WDFY3: variants seen among roughly 807,000 people sequenced by gnomAD.
WDFY3 encodes the protein WD repeat and FYVE domain-containing protein 3.
In WDFY3, 66 loss-of-function variants were observed where a neutral mutation model predicts 409.6. The ratio of observed to expected loss-of-function variants is 0.16; its 90% confidence interval spans 0.13 to 0.20. WDFY3 has a LOEUF of 0.20. Among genes scored for constraint, WDFY3 ranks in the 10% least tolerant of loss-of-function variants. The pLI, the probability that WDFY3 is intolerant of heterozygous loss-of-function variation, is 1.00. For missense variants in WDFY3, 3,031 were observed against 4,298.1 expected (o/e 0.71, Z 8.24); for synonymous variants, 1,521 against 1,537.1 (o/e 0.99, Z 0.25).
chr4:84,727,178 A>G (rs1399251517), intron 44 of WDFY3, among the ~76,000 whole-genome samples: 2 of 152,144 alleles, frequency 1.3e-5, no homozygotes, highest in African/African-American at 4.8e-5. Flanking sequence ...CACACAGGCA[A>G]AACTTCAGCA....
At chr4:84,825,231 AAAC>A (rs1276270885) in intron 10 of WDFY3, among the ~76,000 whole-genome samples, 14 of 152,188 alleles carry the variant, frequency 9.2e-5, no homozygotes, top group African/African-American at 3.4e-4. Context: ...AAACCAAATG[AAAC>A]AACAATAAAG....
At chr4:84,725,257 T>C (rs1468757996) in intron 45 of WDFY3, among the ~76,000 whole-genome samples, 2 of 152,204 alleles carry the variant, frequency 1.3e-5, no homozygotes, top group Admixed American at 6.5e-5. Context: ...TCATTGTCTG[T>C]TGTGTAAAGG....
At chr4:84,938,355 A>G (rs111873711) in intron 1 of WDFY3, among the ~76,000 whole-genome samples, 20 of 152,084 alleles carry the variant, frequency 1.3e-4, no homozygotes, top group South Asian at 8.3e-4. Flanking sequence ...GATAATTGAT[A>G]ATGATGATAA....
At chr4:84,853,574 G>A (rs1398264723) in intron 4 of WDFY3, among the ~76,000 whole-genome samples, 1 of 152,126 alleles carries the variant, frequency 6.6e-6, no homozygotes, top group East Asian at 1.9e-4. Context: ...GTATTTTATT[G>A]CTAATAGTTA....
At chr4:84,689,747 C>T (rs1278026384) in intron 61 of WDFY3, among the ~76,000 whole-genome samples, 2 of 152,126 alleles carry the variant, frequency 1.3e-5, no homozygotes, top group Non-Finnish European at 2.9e-5. Flanking sequence ...TAAAATGGGG[C>T]TAATAACTAC....
intron 1 of WDFY3, among the ~76,000 whole-genome samples, chr4:84,936,536 T>A (rs972988347): frequency 2.0e-5 from 3 of 152,032 alleles, no homozygotes; most frequent in African/African-American, 7.2e-5. Flanking sequence ...AAAAAAATTA[T>A]TTGGCTTGAA....
intron 5 of WDFY3, among the ~76,000 whole-genome samples, chr4:84,848,831 T>A (rs1243616209): frequency 1.3e-5 from 2 of 152,214 alleles, no homozygotes; most frequent in Admixed American, 1.3e-4. Context: ...CGTAGATATG[T>A]GTCTTCTTGT....
At chr4:84,902,481 A>G (rs1416753001) in intron 2 of WDFY3, among the ~76,000 whole-genome samples, 3 of 152,208 alleles carry the variant, frequency 2.0e-5, no homozygotes, top group Admixed American at 6.5e-5. Flanking sequence ...TCCATTGTGC[A>G]TAATTAACAG....
chr4:84,709,135 G>A (rs1732475050), intron 52 of WDFY3, 107 bp from the exon 53 acceptor site: 1 of 1,478,480 alleles, frequency 6.8e-7, no homozygotes, highest in African/African-American at 1.4e-5. Flanking sequence ...CTTTTTAACA[G>A]ATTTCAGAAC....
intron 9 of WDFY3, among the ~76,000 whole-genome samples, chr4:84,828,786 T>C (rs1167056936): frequency 6.6e-6 from 1 of 152,068 alleles, no homozygotes; most frequent in Non-Finnish European, 1.5e-5. Flanking sequence ...GTAGTCCTAG[T>C]TACTTGGGAG....
intron 17 of WDFY3, 56 bp downstream of exon 17, chr4:84,801,594 A>T: frequency 6.6e-7 from 1 of 1,525,140 alleles, no homozygotes. Context: ...AATCATAAGG[A>T]CTCTAGAAAC....
At position 84,780,266 on chromosome 4, in the gene WDFY3, T is replaced by C; in HGVS notation, c.4207A>G (p.Thr1403Ala). Residue 1403 changes from threonine (T) to alanine (A), a missense_variant, in exon 26 of 68, where the codon ACT becomes GCT. By Grantham distance (58) the Thr-to-Ala change is moderately conservative. Transcript: ENST00000295888. ...VRTFVPKPVA[T>A]TLQYVGGAAA... ...GCTCCACCAACGTACTGCAAAGTAG[T>C]GGCAACAGGCTTAGGGACAAATGTT... is the stretch of plus-strand genomic sequence containing the variant. The C allele has an allele frequency of 1.2e-6, 2 of 1,613,004 alleles. No homozygotes were observed. Among genetic ancestry groups the C allele is most frequent in the Non-Finnish European group, 1.7e-6 (2 of 1,179,652 alleles).
chr4:84,754,682 G>A (rs1741128298), intron 34 of WDFY3, among the ~76,000 whole-genome samples: 1 of 152,040 alleles, frequency 6.6e-6, no homozygotes, highest in Non-Finnish European at 1.5e-5. Context: ...TCATCTCTAA[G>A]TTAGACATAA....
intron 2 of WDFY3, among the ~76,000 whole-genome samples, chr4:84,920,646 T>C (rs1357894690): frequency 6.6e-6 from 1 of 152,174 alleles, no homozygotes; most frequent in African/African-American, 2.4e-5. Context: ...ACTAACACAT[T>C]ATTTTTCTCC....
intron 2 of WDFY3, among the ~76,000 whole-genome samples, chr4:84,931,475 G>A (rs1770757439): frequency 2.0e-5 from 3 of 152,144 alleles, no homozygotes; most frequent in Non-Finnish European, 4.4e-5. Flanking sequence ...ACAGCAATGT[G>A]ATGATAGCTA....
At position 84,715,375 on chromosome 4, in the gene WDFY3, A is replaced by C. The variant is rs780381928; in HGVS notation, c.7884T>G (p.Ala2628=). 7.5e-5 allele frequency: 119 copies of C among 1,586,072 alleles called. No homozygotes were observed. The highest frequency in any genetic ancestry group is 9.8e-5 in the Non-Finnish European group (113 of 1,155,702). ...GTCCATCTCCAGAGAAAACTTCCAC[A>C]GCAATAGGCTGAAATGATCAGAGAG... ...HKRRYLLQPI[A]VEVFSGDGRN... The change falls in exon 50 of 68, where the codon GCT becomes GCG. Residue 2628 remains alanine (A), a synonymous_variant. Transcript: ENST00000295888.
rs1288772315 is a variant in WDFY3, at chr4:84,769,950, C to G, written c.4849+2885G>C. On this transcript the variant is annotated intron_variant, in intron 30 of 67. Transcript: ENST00000295888. The stretch of plus-strand genomic sequence containing the variant: ...AACAATATCCAGAAAACACCCTCCA[C>G]CAGAAAAAATTACAATTTGCTGAAG... 3.3e-5 allele frequency among the ~76,000 whole-genome samples: 5 copies of G among 152,124 alleles called. No homozygotes were observed. The East Asian group carries it at 9.6e-4, about 29-fold the overall frequency.
intron 3 of WDFY3, among the ~76,000 whole-genome samples, chr4:84,890,707 G>A (rs1325879843): frequency 6.6e-6 from 1 of 152,214 alleles, no homozygotes; most frequent in Admixed American, 6.5e-5. Flanking sequence ...TGCGGTTTCT[G>A]TTACAACCTT....
At chr4:84,726,206 T>C (rs1735627612) in intron 45 of WDFY3, among the ~76,000 whole-genome samples, 2 of 152,194 alleles carry the variant, frequency 1.3e-5, no homozygotes, top group Non-Finnish European at 2.9e-5. Flanking sequence ...GGACAGCATC[T>C]ACTTGATTAC....
Sources: allele counts gnomAD v4.1 joint callset (sites outside exome capture counted in the v4.1 genomes callset), GRCh38; gene constraint gnomAD v4.1.1; transcripts MANE v1.5; gene names NCBI Gene and HGNC (gene_info 2026-07-23, HGNC 2026-07-21).